TMIGD3: variants seen among roughly 807,000 people sequenced by gnomAD.
TMIGD3 encodes the protein AD026 protein (AD026).
Under a neutral mutation model 28.1 loss-of-function variants are expected in TMIGD3, and 21 were observed. The observed-to-expected ratio is 0.75, with a 90% CI of 0.53 to 1.08. The LOEUF is 1.08. TMIGD3 is among the 50% of genes least tolerant of loss of function. TMIGD3 has a pLI of 0.00. For synonymous variants in TMIGD3, 151 were observed against 162.1 expected (o/e 0.93, Z 0.52); for missense variants, 416 against 435.6 (o/e 0.96, Z 0.40).
At chr1:111,526,315 G>A (rs12094165) in intron 1 of TMIGD3, among the ~76,000 whole-genome samples, 259 of 152,170 alleles carry the variant, frequency 1.7e-3, no homozygotes, top group African/African-American at 5.4e-3. Context: ...TCATGGGGGC[G>A]GTTTCCCCAT....
At chr1:111,508,983 T>G (rs1280528211) in intron 1 of TMIGD3, among the ~76,000 whole-genome samples, 1 of 152,194 alleles carries the variant, frequency 6.6e-6, no homozygotes, top group Non-Finnish European at 1.5e-5. Flanking sequence ...TAATCCCAGC[T>G]ACGCAGGAGG....
At chr1:111,512,345 A>C (rs1221708025) in intron 1 of TMIGD3, among the ~76,000 whole-genome samples, 1 of 152,240 alleles carries the variant, frequency 6.6e-6, no homozygotes, top group Non-Finnish European at 1.5e-5. Context: ...CTCACTGGGC[A>C]TCAGGCCCGC....
chr1:111,510,506 GT>G (rs1655654349), intron 1 of TMIGD3, among the ~76,000 whole-genome samples: 1 of 152,080 alleles, frequency 6.6e-6, no homozygotes, highest in Admixed American at 6.5e-5. Context: ...TGTTCATCTG[GT>G]TAGTGGCAGA....
intron 1 of TMIGD3, among the ~76,000 whole-genome samples, chr1:111,558,530 A>G (rs191764850): frequency 1.1e-3 from 175 of 152,308 alleles, no homozygotes; most frequent in African/African-American, 4.1e-3. Flanking sequence ...CACATTTGCT[A>G]TTTATAAGGT....
intron 1 of TMIGD3, among the ~76,000 whole-genome samples, chr1:111,550,478 T>C (rs957352528): frequency 1.2e-4 from 18 of 152,200 alleles, no homozygotes; most frequent in African/African-American, 3.6e-4. Flanking sequence ...ACTGTAAATT[T>C]CCCTCTAAGC....
rs139535144 is a variant in TMIGD3 at position 111,486,699 on chromosome 1, T to C, written c.806-47A>G. The C allele has an allele frequency of 8.2e-4, 1,223 of 1,491,338 alleles. 12 individuals are homozygous for C. The African/African-American group carries it at 0.015, about 18-fold the overall frequency. The allele number at this position is 1,491,338 out of a possible 1,614,324, so 92.4% of individuals were successfully genotyped here. A position where few individuals can be genotyped will look rare whatever the true frequency, so the allele number is the denominator to read the frequency against. On this transcript the variant is annotated intron_variant, in intron 3 of 5. Coordinates refer to ENST00000369716, the MANE Select transcript of TMIGD3 (RefSeq NM_020683.7). ...AAGTCAGGTGAGGCCCATAGCCAGG[T>C]CCTACCTCTGCCTCCCAGCTGCAGC...
intron 1 of TMIGD3, among the ~76,000 whole-genome samples, chr1:111,555,088 G>T (rs1249451731): frequency 6.6e-6 from 1 of 151,950 alleles, no homozygotes; most frequent in Non-Finnish European, 1.5e-5. Flanking sequence ...CAGGCAGGCG[G>T]GGCACAGTGA....
chr1:111,545,109 T>C (rs1656986553), intron 1 of TMIGD3, among the ~76,000 whole-genome samples: 1 of 148,494 alleles, frequency 6.7e-6, no homozygotes, highest in African/African-American at 2.6e-5. Flanking sequence ...TATATCCAAT[T>C]TGGTATATAC....
At chr1:111,560,037 A>AT (rs374139812) in intron 1 of TMIGD3, among the ~76,000 whole-genome samples, 130 of 152,186 alleles carry the variant, frequency 8.5e-4, no homozygotes, top group African/African-American at 3.0e-3. Flanking sequence ...AGAGTAGGCA[A>AT]TTTTTTTCAT....
At chr1:111,503,748 T>C, upstream of TMIGD3, 1 of 1,021,882 alleles carries the variant, frequency 9.8e-7, no homozygotes, top group Non-Finnish European at 1.2e-6. Flanking sequence ...TCAGGGGTGT[T>C]TCAGGAAGTG....
chr1:111,548,102 C>G (rs995945961), intron 1 of TMIGD3, among the ~76,000 whole-genome samples: 1 of 152,226 alleles, frequency 6.6e-6, no homozygotes, highest in Non-Finnish European at 1.5e-5. Flanking sequence ...CTCACTGCAA[C>G]CTCCACCTCC....
intron 1 of TMIGD3, among the ~76,000 whole-genome samples, chr1:111,527,061 A>T (rs1656291085): frequency 8.0e-6 from 1 of 124,484 alleles, no homozygotes; most frequent in Admixed American, 1.1e-4. Flanking sequence ...CCCAGGCTAG[A>T]GTGCAGTGGT....
At chr1:111,500,274 G>A (rs1655101972) in intron 1 of TMIGD3, 5 of 1,614,212 alleles carry the variant, frequency 3.1e-6, no homozygotes, top group Non-Finnish European at 4.2e-6. Flanking sequence ...AGTTAGATAA[G>A]TTCAGACTGA....
chr1:111,504,182 G>C (rs185482249), upstream of TMIGD3: 18 of 961,466 alleles, frequency 1.9e-5, no homozygotes, highest in African/African-American at 2.5e-4. Context: ...CAGCACCTCT[G>C]AGAAGCATCA....
At chr1:111,507,933 G>T (rs375285478), upstream of TMIGD3, among the ~76,000 whole-genome samples, 3 of 152,230 alleles carry the variant, frequency 2.0e-5, no homozygotes. Context: ...GGTCAGGCTG[G>T]GCTTTCCCGC....
intron 5 of TMIGD3, chr1:111,485,303 G>C (rs1654307428): frequency 6.5e-6 from 1 of 154,792 alleles, no homozygotes; most frequent in Non-Finnish European, 1.4e-5. Flanking sequence ...TGAGGCTGCA[G>C]TGAGCTATGA....
At chr1:111,510,991 G>C (rs953694198) in intron 1 of TMIGD3, among the ~76,000 whole-genome samples, 3 of 152,136 alleles carry the variant, frequency 2.0e-5, no homozygotes, top group Non-Finnish European at 4.4e-5. Context: ...GCAATATTTA[G>C]GAAATGCTTC....
At chr1:111,524,404 T>C (rs1299082654) in intron 1 of TMIGD3, among the ~76,000 whole-genome samples, 1 of 152,158 alleles carries the variant, frequency 6.6e-6, no homozygotes, top group African/African-American at 2.4e-5. Flanking sequence ...AAATTTTAAA[T>C]GACATATTTA....
chr1:111,515,476 T>A (rs113038172), intron 1 of TMIGD3, among the ~76,000 whole-genome samples: 1,630 of 152,210 alleles, frequency 0.011, 29 homozygotes, highest in African/African-American at 0.035. Context: ...TGTTCCCCGA[T>A]GGGAGTTGGG....
Sources: gnomAD v4.1 joint callset for allele counts (sites outside exome capture counted in the v4.1 genomes callset) on GRCh38, gnomAD v4.1.1 for gene constraint, MANE v1.5 for transcripts, NCBI Gene and HGNC (gene_info 2026-07-23, HGNC 2026-07-21) for gene names.